Variants in PSIP1 observed in about 807,000 individuals in gnomAD.
The protein encoded by PSIP1 is PC4 and SRSF1 interacting protein 1, also known as PC4 and SFRS1-interacting protein.
Under a neutral mutation model 74.7 loss-of-function variants are expected in PSIP1, and 19 were observed. The ratio of observed to expected loss-of-function variants is 0.25; its 90% CI spans 0.18 to 0.37. PSIP1 has a LOEUF of 0.37. Ranked by LOEUF, PSIP1 falls within the 10% of genes least tolerant of loss-of-function variation. The pLI, the probability that PSIP1 is intolerant of heterozygous loss-of-function variation, is 1.00. For missense variants in PSIP1, 601 were observed against 614.3 expected (o/e 0.98, Z 0.23); for synonymous variants, 222 against 195.3 (o/e 1.14, Z -1.14).
intron 3 of PSIP1, among the ~76,000 whole-genome samples, chr9:15,503,545 T>C (rs2037442696): frequency 2.0e-5 from 3 of 151,656 alleles, no homozygotes; most frequent in South Asian, 4.2e-4. Flanking sequence ...ACTGCAGTTA[T>C]CAGCTACTTG....
In PSIP1 at chr9:15,485,991, A is replaced by C. The variant is rs765984644; in HGVS notation, c.456+15T>G. 2 of 1,588,210 alleles carry C rather than the reference A, an allele frequency of 1.3e-6. No homozygotes were observed. Among genetic ancestry groups the C allele is most frequent in the Non-Finnish European group, 8.6e-7 (1 of 1,158,270 alleles). ...TCTTTTCAGATCCCCATGGTTGGTAAGTCAGTGAAATTACCTTTCTCTTTC... is the reference window on the plus strand; with the variant it reads ...TCTTTTCAGATCCCCATGGTTGGTACGTCAGTGAAATTACCTTTCTCTTTC... On this transcript the variant is annotated intron_variant, in intron 6 of 15. Transcript: ENST00000380733.
At chr9:15,492,984 G>A (rs1010050726) in intron 3 of PSIP1, among the ~76,000 whole-genome samples, 3 of 152,266 alleles carry the variant, frequency 2.0e-5, no homozygotes, top group African/African-American at 7.2e-5. Context: ...TAGGCCTCTC[G>A]TCCTATGATG....
intron 3 of PSIP1, among the ~76,000 whole-genome samples, chr9:15,499,297 G>C (rs981816083): frequency 1.3e-5 from 2 of 152,158 alleles, no homozygotes; most frequent in Non-Finnish European, 2.9e-5. Flanking sequence ...GTCAAAGCTT[G>C]TAAGAGTCAA....
rs370561277 is a variant in PSIP1 at position 15,470,376 on chromosome 9, C to T, written c.978-383G>A. Among the ~76,000 whole-genome samples, 6 of 152,136 alleles carry T rather than the reference C, an allele frequency of 3.9e-5. No individual in the cohort carries two copies. In the East Asian group the frequency reaches 9.7e-4, roughly 24 times the overall value. ...ATTTAATCATTGTGCATGTAACAAG[C>T]AGATTAATGAGTTCTGAAGTTAGCT... On this transcript the variant is annotated intron_variant, in intron 10 of 15. Coordinates refer to ENST00000380733, the MANE Select transcript of PSIP1 (RefSeq NM_033222.5).
chr9:15,469,111 A>T (rs781196669), intron 12 of PSIP1, 53 bp from the exon 13 acceptor site: 1 of 1,517,188 alleles, frequency 6.6e-7, no homozygotes, highest in East Asian at 2.3e-5. Context: ...ACACTTAAAC[A>T]ATCTGTTTCT....
intron 4 of PSIP1, chr9:15,489,260 T>C (rs1271376920): frequency 6.6e-6 from 1 of 152,146 alleles, no homozygotes; most frequent in African/African-American, 2.4e-5. Flanking sequence ...TAAGTACATT[T>C]GTCACATACC....
At chr9:15,487,478 C>G (rs769954454) in intron 4 of PSIP1, among the ~76,000 whole-genome samples, 2 of 151,930 alleles carry the variant, frequency 1.3e-5, no homozygotes, top group Non-Finnish European at 2.9e-5. Context: ...GCCTGTAATC[C>G]CAGCTACTCG....
chr9:15,485,037 T>C (rs568042077), intron 6 of PSIP1, among the ~76,000 whole-genome samples: 7 of 152,264 alleles, frequency 4.6e-5, no homozygotes, highest in Admixed American at 2.6e-4. Context: ...TGAGGCATGA[T>C]TGTGCCACTG....
At chr9:15,504,098 G>T (rs989359476) in intron 3 of PSIP1, among the ~76,000 whole-genome samples, 1 of 152,066 alleles carries the variant, frequency 6.6e-6, no homozygotes, top group Non-Finnish European at 1.5e-5. Context: ...CATACATATG[G>T]GGCAGCACTG....
rs1170530034 is a variant in PSIP1 at position 15,500,394 on chromosome 9, G to A, written c.149+6167C>T. 4.6e-5 allele frequency among the ~76,000 whole-genome samples: 7 copies of A among 152,254 alleles called. No homozygotes were observed. The South Asian group carries it at 1.4e-3, about 32-fold the overall frequency. On this transcript the variant is annotated intron_variant, in intron 3 of 15. Coordinates refer to ENST00000380733, the MANE Select transcript of PSIP1 (RefSeq NM_033222.5). ...GCAGGAGAATGACATGAACCCAGGA[G>A]GCAGACCTTGCTTTGAGCGGAGATT... is the stretch of plus-strand genomic sequence containing the variant.
intron 8 of PSIP1, 107 bp downstream of exon 8, chr9:15,478,370 A>G (rs1182236494): frequency 3.2e-6 from 3 of 931,010 alleles, no homozygotes; most frequent in Non-Finnish European, 4.9e-6. Flanking sequence ...GATCAAAATA[A>G]TAACAAACAT....
At chr9:15,501,415 A>C (rs2037338091) in intron 3 of PSIP1, among the ~76,000 whole-genome samples, 1 of 152,038 alleles carries the variant, frequency 6.6e-6, no homozygotes, top group East Asian at 1.9e-4. Context: ...AAATTCAGTC[A>C]CTGTTGCAGT....
intron 6 of PSIP1, among the ~76,000 whole-genome samples, chr9:15,482,647 T>G (rs1188792171): frequency 6.6e-6 from 1 of 152,174 alleles, no homozygotes; most frequent in African/African-American, 2.4e-5. Context: ...CATAAAATAA[T>G]TTATACTGAC....
At chr9:15,491,448 G>A (rs1325964868) in intron 3 of PSIP1, among the ~76,000 whole-genome samples, 3 of 152,196 alleles carry the variant, frequency 2.0e-5, no homozygotes, top group Non-Finnish European at 4.4e-5. Context: ...TGAATGACCT[G>A]TACAACAAGT....
At chr9:15,491,591 G>A (rs950013994) in intron 3 of PSIP1, among the ~76,000 whole-genome samples, 2 of 152,146 alleles carry the variant, frequency 1.3e-5, no homozygotes, top group African/African-American at 2.4e-5. Flanking sequence ...TTTACTAGGA[G>A]GTTATGTCCC....
chr9:15,466,737 C>G lies in PSIP1; in HGVS notation c.1532+11G>C, dbSNP rs1363855097. ...AAAAACACACAAGACCCATTAAAAC[C>G]TATTCCTCACTTTTTCTTCGTGCTG... is the stretch of plus-strand genomic sequence containing the variant. On this transcript the variant is annotated intron_variant, in intron 15 of 15. Transcript: ENST00000380733. The G allele has an allele frequency of 1.9e-6, 3 of 1,596,122 alleles. No individual in the cohort carries two copies. Among genetic ancestry groups the G allele is most frequent in the Non-Finnish European group, 2.6e-6 (3 of 1,169,046 alleles).
rs139275703 is a variant in PSIP1, at chr9:15,473,234, T to C, written c.859-484A>G. Among the ~76,000 whole-genome samples the C allele has an allele frequency of 1.4e-3, 212 of 152,322 alleles. 1 individual carries two copies. The highest frequency in any genetic ancestry group is 4.8e-3 in the African/African-American group (200 of 41,592). On this transcript the variant is annotated intron_variant, in intron 9 of 15. Transcript: ENST00000380733. The stretch of plus-strand genomic sequence containing the variant: ...GCTTTAATGAGGTTCCCAACAACTA[T>C]GGCGTCCAAATAAATTTACATACCA...
intron 6 of PSIP1, 39 bp downstream of exon 6, chr9:15,485,967 C>A (rs768939209): frequency 4.6e-6 from 7 of 1,520,656 alleles, no homozygotes; most frequent in South Asian, 3.5e-5. Context: ...AATAAAAATT[C>A]TTTTCAGATC....
At chr9:15,491,313 C>T (rs2036820594) in intron 3 of PSIP1, among the ~76,000 whole-genome samples, 1 of 152,074 alleles carries the variant, frequency 6.6e-6, no homozygotes, top group Non-Finnish European at 1.5e-5. Context: ...AAACAGACTG[C>T]AAAAAAGATA....
Sources: allele counts gnomAD v4.1 joint callset (sites outside exome capture counted in the v4.1 genomes callset), GRCh38; gene constraint gnomAD v4.1.1; transcripts MANE v1.5; gene names NCBI Gene and HGNC (gene_info 2026-07-23, HGNC 2026-07-21).